Variants in FGF7 observed in about 807,000 individuals in gnomAD.
FGF7 encodes the protein fibroblast growth factor 7, also known as FGF-7.
Under a neutral mutation model 20.5 loss-of-function variants are expected in FGF7, and 6 were observed. The observed-to-expected ratio is 0.29, with a 90% CI of 0.16 to 0.58. FGF7 has a LOEUF of 0.58. FGF7 is among the 20% of genes least tolerant of loss of function. The pLI is 0.90. For missense variants in FGF7, 144 were observed against 228.8 expected, an observed-to-expected ratio of 0.63 and a Z score of 2.39; for synonymous variants, 64 against 74.7, an observed-to-expected ratio of 0.86 and a Z score of 0.74.
At position 49,487,353 on chromosome 15, in the gene FGF7, TAAC is replaced by T. The variant is rs2056481943; in HGVS notation, c.*2852_*2854del. 1.3e-5 allele frequency: 2 copies of T among 151,902 alleles called. No homozygotes were observed. Among genetic ancestry groups the T allele is most frequent in the South Asian group, 2.1e-4 (1 of 4,830 alleles). 9.4% of individuals were successfully genotyped at this position (151,902 alleles called of 1,614,324 possible). ...AAGAAAAAATTAAAACATGAAATGA[TAAC>T]AAAAGTAAACAAAAGATACTTTCAA... On this transcript the variant is annotated 3_prime_UTR_variant, in exon 4 of 4. Coordinates refer to ENST00000267843, the MANE Select transcript of FGF7 (RefSeq NM_002009.4).
intron 2 of FGF7, among the ~76,000 whole-genome samples, chr15:49,435,382 C>T (rs1016491663): frequency 6.6e-6 from 1 of 151,532 alleles, no homozygotes; most frequent in Non-Finnish European, 1.5e-5. Context: ...ACTTTTACTA[C>T]CATGAGCACT....
At chr15:49,468,473 T>C (rs1473620479) in intron 2 of FGF7, among the ~76,000 whole-genome samples, 1 of 152,192 alleles carries the variant, frequency 6.6e-6, no homozygotes. Flanking sequence ...CTTAAATCTG[T>C]TATTTAACAG....
chr15:49,478,956 G>A (rs749946548), intron 2 of FGF7, among the ~76,000 whole-genome samples: 1 of 152,090 alleles, frequency 6.6e-6, no homozygotes, highest in Non-Finnish European at 1.5e-5. Context: ...AGATTTTAGA[G>A]AATTTTTTTA....
rs548633926 is a variant in FGF7 at position 49,485,589 on chromosome 15, T to G, written c.*1085T>G. 6.6e-6 allele frequency: 1 copy of G among 152,580 alleles called. No individual in the cohort carries two copies. Among genetic ancestry groups the G allele is most frequent in the African/African-American group, 2.4e-5 (1 of 41,548 alleles). The allele number at this position is 152,580 out of a possible 1,614,324, so 9.5% of individuals were successfully genotyped here. A position where few individuals can be genotyped will look rare whatever the true frequency, so the allele number is the denominator to read the frequency against. On this transcript the variant is annotated 3_prime_UTR_variant, in exon 4 of 4. Coordinates refer to ENST00000267843, the MANE Select transcript of FGF7 (RefSeq NM_002009.4). ...TCCCTTTTCTGACTGACACTAAGTC[T>G]AGCACACAGCACTTGGGCCAGCAAA...
intron 2 of FGF7, among the ~76,000 whole-genome samples, chr15:49,463,853 T>C (rs1265363032): frequency 6.6e-6 from 1 of 152,234 alleles, no homozygotes; most frequent in African/African-American, 2.4e-5. Flanking sequence ...GCTAACGCTC[T>C]TATAAGCACA....
intron 2 of FGF7, among the ~76,000 whole-genome samples, chr15:49,475,296 G>C (rs1011496099): frequency 2.0e-5 from 3 of 152,182 alleles, no homozygotes; most frequent in Admixed American, 2.0e-4. Context: ...CGCCAATAAA[G>C]AGATTAGAAG....
chr15:49,428,956 C>T (rs533841252), intron 2 of FGF7, among the ~76,000 whole-genome samples: 5 of 152,116 alleles, frequency 3.3e-5, no homozygotes, highest in Admixed American at 2.0e-4. Context: ...ACTTTGGCTA[C>T]AAAACCTTCA....
intron 2 of FGF7, among the ~76,000 whole-genome samples, chr15:49,439,033 T>C (rs1305200008): frequency 6.6e-6 from 1 of 151,708 alleles, no homozygotes; most frequent in Non-Finnish European, 1.5e-5. Flanking sequence ...GCTGAGTGGG[T>C]TGGTCTTAGG....
intron 2 of FGF7, among the ~76,000 whole-genome samples, chr15:49,447,390 CTAGT>C (rs1445340513): frequency 1.3e-5 from 2 of 151,522 alleles, no homozygotes; most frequent in Non-Finnish European, 3.0e-5. Flanking sequence ...GATCACAGAG[CTAGT>C]TAGTGATAGA....
At chr15:49,429,007 TAAC>T (rs1336280331) in intron 2 of FGF7, among the ~76,000 whole-genome samples, 2 of 151,796 alleles carry the variant, frequency 1.3e-5, no homozygotes, top group African/African-American at 2.4e-5. Context: ...GGCTCCTACT[TAAC>T]AATAATGTGT....
At chr15:49,449,124 C>T (rs2052492379) in intron 2 of FGF7, among the ~76,000 whole-genome samples, 1 of 151,916 alleles carries the variant, frequency 6.6e-6, no homozygotes, top group Admixed American at 6.6e-5. Context: ...TTGAATGATA[C>T]CTTCAGTCTG....
intron 2 of FGF7, among the ~76,000 whole-genome samples, chr15:49,469,744 T>A (rs878973445): frequency 2.6e-5 from 4 of 152,128 alleles, no homozygotes; most frequent in Admixed American, 2.6e-4. Context: ...AAGACACTGG[T>A]TACAACTAAG....
chr15:49,457,426 A>T lies in FGF7; in HGVS notation c.287-25725A>T, dbSNP rs1461304544. Among the ~76,000 whole-genome samples the T allele has an allele frequency of 2.6e-5, 4 of 152,204 alleles. No individual in the cohort carries two copies. The East Asian group carries it at 7.7e-4, about 29-fold the overall frequency. On this transcript the variant is annotated intron_variant, in intron 2 of 3. Transcript: ENST00000267843. ...ATTTCAAAGCTGAATGGTTTGGAAA[A>T]TTATGATGCCATTAACTAAAACAGG...
At position 49,488,358 on chromosome 15, in the gene FGF7, T is replaced by C. The variant is rs530234862; in HGVS notation, c.*3854T>C. On this transcript the variant is annotated 3_prime_UTR_variant, in exon 4 of 4. Coordinates refer to ENST00000267843, the MANE Select transcript of FGF7 (RefSeq NM_002009.4). The stretch of plus-strand genomic sequence containing the variant: ...TCACTTGTTCCTTCAGGGACACATA[T>C]ACTCCCACCTATCCTTTAATTTTGA... The C allele has an allele frequency of 6.6e-6, 1 of 152,014 alleles. No individual in the cohort carries two copies. The highest frequency in any genetic ancestry group is 1.5e-5 in the Non-Finnish European group (1 of 67,934). 9.4% of individuals were successfully genotyped at this position (152,014 alleles called of 1,614,324 possible). A position where few individuals can be genotyped will look rare whatever the true frequency, so the allele number is the denominator to read the frequency against.
At chr15:49,450,717 C>T (rs889628651) in intron 2 of FGF7, among the ~76,000 whole-genome samples, 1 of 152,074 alleles carries the variant, frequency 6.6e-6, no homozygotes, top group African/African-American at 2.4e-5. Flanking sequence ...CAATTACATT[C>T]TTGATCTTTA....
In FGF7 at chr15:49,485,649, A is replaced by G. The variant is rs1391262435; in HGVS notation, c.*1145A>G. 1 of 152,498 alleles carries G rather than the reference A, an allele frequency of 6.6e-6. No individual in the cohort carries two copies. Among genetic ancestry groups the G allele is most frequent in the Admixed American group, 6.6e-5 (1 of 15,244 alleles). 9.4% of individuals were successfully genotyped at this position (152,498 alleles called of 1,614,324 possible). A position where few individuals can be genotyped will look rare whatever the true frequency, so the allele number is the denominator to read the frequency against. On this transcript the variant is annotated 3_prime_UTR_variant, in exon 4 of 4. Coordinates refer to ENST00000267843, the MANE Select transcript of FGF7 (RefSeq NM_002009.4). Reference sequence around the variant, plus strand: ...GCAGACAAAAATAAGAGCCTGAAGCAATGCTTACAATAGATGTCTCACACA... The same window carrying G: ...GCAGACAAAAATAAGAGCCTGAAGCGATGCTTACAATAGATGTCTCACACA...
At chr15:49,479,599 GTTTT>G (rs56097665) in intron 2 of FGF7, among the ~76,000 whole-genome samples, 64 of 63,292 alleles carry the variant, frequency 1.0e-3, no homozygotes, top group African/African-American at 3.4e-3. Flanking sequence ...TAATACCTCT[GTTTT>G]TTTTTTTTTT....
intron 2 of FGF7, among the ~76,000 whole-genome samples, chr15:49,477,201 A>C (rs867347531): frequency 1.3e-5 from 2 of 152,240 alleles, no homozygotes; most frequent in South Asian, 4.1e-4. Context: ...TTATGCCATC[A>C]GTTTATACTA....
rs566013776 is a variant in FGF7 at position 49,459,758 on chromosome 15, T to C, written c.287-23393T>C. ...CATGACATAAGCTGTGCTTGAGACT[T>C]GTAGCTGGTGGTGTGCTGGAGATGG... On this transcript the variant is annotated intron_variant, in intron 2 of 3. Transcript: ENST00000267843. Among the ~76,000 whole-genome samples, 248 of 152,254 alleles carry C rather than the reference T, an allele frequency of 1.6e-3. 1 individual carries two copies. The highest frequency in any genetic ancestry group is 2.7e-3 in the Non-Finnish European group (184 of 68,024).
Sources: gnomAD v4.1 joint callset for allele counts (sites outside exome capture counted in the v4.1 genomes callset) on GRCh38, gnomAD v4.1.1 for gene constraint, MANE v1.5 for transcripts, NCBI Gene and HGNC (gene_info 2026-07-23, HGNC 2026-07-21) for gene names.